Variants in IDO2 observed in about 807,000 individuals in gnomAD.
IDO2 encodes the protein indoleamine 2,3-dioxygenase-like 1 protein.
In IDO2, 46 loss-of-function variants were observed where a neutral mutation model predicts 45.1. That is an observed-to-expected ratio of 1.02 (90% confidence interval 0.80 to 1.30). The LOEUF (loss-of-function observed/expected upper bound fraction) is 1.30. IDO2 is among the 50% of genes most tolerant of loss of function. The pLI is 0.00. For synonymous variants in IDO2, 218 were observed against 184.9 expected (o/e 1.18, Z -1.45); for missense variants, 544 against 491.8 (o/e 1.11, Z -1.00).
chr8:39,956,547 C>G (rs1463903607), intron 2 of IDO2, among the ~76,000 whole-genome samples: 1 of 152,004 alleles, frequency 6.6e-6, no homozygotes, highest in African/African-American at 2.4e-5. Flanking sequence ...TTTGCAATTT[C>G]CCAAATGCGA....
chr8:39,953,790 C>T (rs894342906), intron 2 of IDO2, among the ~76,000 whole-genome samples: 1 of 152,110 alleles, frequency 6.6e-6, no homozygotes, highest in Non-Finnish European at 1.5e-5. Flanking sequence ...GTCTCGAACC[C>T]CTGACCTCAA....
chr8:39,955,489 C>T (rs1807879264), intron 2 of IDO2, among the ~76,000 whole-genome samples: 1 of 151,956 alleles, frequency 6.6e-6, no homozygotes, highest in African/African-American at 2.4e-5. Flanking sequence ...CTTCTGACCT[C>T]AGGTGATCCA....
chr8:39,963,789 G>T (rs143188749), intron 3 of IDO2, 86 bp downstream of exon 3: 33 of 771,718 alleles, frequency 4.3e-5, no homozygotes, highest in East Asian at 2.7e-4. Flanking sequence ...TGTGTCAATT[G>T]TCCTGGGAAA....
rs574994328 is a variant in IDO2 at position 39,989,923 on chromosome 8, C to A, written c.667+85C>A. On this transcript the variant is annotated intron_variant, in intron 8 of 10. Transcript: ENST00000502986. ...AAGAGGGCCTGGGGACCAGGCATGT[C>A]CTGAAGGGGGTGATAATACATTCAT... is the stretch of plus-strand genomic sequence containing the variant. The A allele has an allele frequency of 1.7e-5, 13 of 786,302 alleles. No individual in the cohort carries two copies. The Admixed American group carries it at 3.0e-4, about 18-fold the overall frequency. The allele number at this position is 786,302 out of a possible 1,614,324, so 48.7% of individuals were successfully genotyped here.
chr8:40,004,513 TA>T (rs1563441246), intron 8 of IDO2, among the ~76,000 whole-genome samples: 1 of 141,970 alleles, frequency 7.0e-6, no homozygotes. Flanking sequence ...GTAGACAGAT[TA>T]GACAGACAGA....
exon 4 of IDO2, chr8:39,979,099 T>C (rs745661644): frequency 1.3e-6 from 2 of 1,598,396 alleles, no homozygotes; most frequent in Non-Finnish European, 1.7e-6. Context: ...TCCTGAAGGG[T>C]CACCGGGAGC....
At chr8:39,969,093 G>C (rs1356088247) in intron 3 of IDO2, among the ~76,000 whole-genome samples, 1 of 152,074 alleles carries the variant, frequency 6.6e-6, no homozygotes, top group African/African-American at 2.4e-5. Flanking sequence ...GTTTTTCATG[G>C]GGTGCGGGTG....
At chr8:39,988,030 T>A in intron 7 of IDO2, 60 bp downstream of exon 7, 1 of 932,558 alleles carries the variant, frequency 1.1e-6, no homozygotes, top group Non-Finnish European at 1.7e-6. Flanking sequence ...TACTTCCCAC[T>A]CAGTGCCTTT....
chr8:39,969,984 C>T (rs1210819155), intron 3 of IDO2, among the ~76,000 whole-genome samples: 1 of 152,038 alleles, frequency 6.6e-6, no homozygotes, highest in Non-Finnish European at 1.5e-5. Context: ...AACAGCCAAG[C>T]TGGGAGTGCA....
Position 39,945,851 on chromosome 8 carries a change from T to A in IDO2, c.-17-3298T>A, listed in dbSNP as rs1322095886. On this transcript the variant is annotated intron_variant, in intron 1 of 10. Coordinates refer to ENST00000502986, the Ensembl canonical transcript of IDO2. ...AGCGAAAGAGATCTAACTTAATCGA[T>A]TCCGTCTTGCTTCTAACCTCCAAGC... 2.0e-5 allele frequency among the ~76,000 whole-genome samples: 3 copies of A among 152,192 alleles called. No individual in the cohort carries two copies. The East Asian group carries it at 5.8e-4, about 29-fold the overall frequency.
chr8:39,938,803 AAGAAACAC>A (rs1376672882), intron 1 of IDO2, among the ~76,000 whole-genome samples: 1 of 152,272 alleles, frequency 6.6e-6, no homozygotes, highest in African/African-American at 2.4e-5. Flanking sequence ...CCCATCAAAG[AAGAAACAC>A]AGTGGCAAGC....
At chr8:40,016,076 G>C in exon 11 of IDO2, 1 of 391,498 alleles carries the variant, frequency 2.6e-6, no homozygotes, top group Non-Finnish European at 4.5e-6. Flanking sequence ...TGAATGTGTT[G>C]AGTTGGTGGC....
At chr8:39,989,080 A>G (rs1808464599) in intron 7 of IDO2, among the ~76,000 whole-genome samples, 1 of 152,180 alleles carries the variant, frequency 6.6e-6, no homozygotes. Flanking sequence ...ATAGTTCTGC[A>G]TGGATGGGGA....
At chr8:39,946,862 G>C (rs924400697) in intron 1 of IDO2, among the ~76,000 whole-genome samples, 1 of 151,302 alleles carries the variant, frequency 6.6e-6, no homozygotes, top group Non-Finnish European at 1.5e-5. Context: ...AAAGTTGTTT[G>C]GTAGGAGAGG....
chr8:39,967,577 C>T (rs1808107328), intron 3 of IDO2, among the ~76,000 whole-genome samples: 1 of 152,102 alleles, frequency 6.6e-6, no homozygotes, highest in Non-Finnish European at 1.5e-5. Flanking sequence ...CAACCTCTGC[C>T]TCTGGGTTCA....
intron 1 of IDO2, among the ~76,000 whole-genome samples, chr8:39,948,549 T>C (rs750970377): frequency 1.3e-5 from 2 of 152,232 alleles, no homozygotes; most frequent in African/African-American, 4.8e-5. Context: ...CAGGAGCGCT[T>C]ACTTATAAAC....
intron 1 of IDO2, among the ~76,000 whole-genome samples, chr8:39,940,120 C>T (rs984279140): frequency 5.3e-5 from 8 of 152,146 alleles, no homozygotes; most frequent in Non-Finnish European, 8.8e-5. Flanking sequence ...TAGCCAACTT[C>T]CTCTTAGTAA....
intron 8 of IDO2, among the ~76,000 whole-genome samples, chr8:39,993,998 C>G (rs1801988638): frequency 2.6e-5 from 4 of 152,010 alleles, no homozygotes. Flanking sequence ...CAGAGTGAGA[C>G]TCTGTCCCCA....
chr8:39,979,364 T>A (rs1488827768), intron 4 of IDO2, among the ~76,000 whole-genome samples, 178 bp downstream of exon 4: 6 of 152,160 alleles, frequency 3.9e-5, no homozygotes, highest in South Asian at 4.1e-4. Context: ...ATTATTTTTT[T>A]ATTTTATTTT....
Sources: allele counts gnomAD v4.1 joint callset (sites outside exome capture counted in the v4.1 genomes callset), GRCh38; gene constraint gnomAD v4.1.1; transcripts MANE v1.5; gene names NCBI Gene and HGNC (gene_info 2026-07-23, HGNC 2026-07-21).